CEACAM3: variants seen among roughly 807,000 people sequenced by gnomAD.
CEACAM3 encodes cell adhesion molecule CEACAM3.
CEACAM3 carries 32 observed loss-of-function variants against 30.1 expected under a neutral mutation model. The observed-to-expected ratio is 1.06, with a 90% confidence interval of 0.80 to 1.43. The LOEUF is 1.43. Among genes scored for constraint, CEACAM3 ranks in the 40% most tolerant of loss-of-function variants. The pLI, the probability that CEACAM3 is intolerant of heterozygous loss-of-function variation, is 0.00. For synonymous variants in CEACAM3, 134 were observed against 127.2 expected (o/e 1.05, Z -0.36); for missense variants, 290 against 316.3 (o/e 0.92, Z 0.63).
intron 2 of CEACAM3, among the ~76,000 whole-genome samples, chr19:41,808,412 G>C (rs535693086): frequency 6.6e-6 from 1 of 152,216 alleles, no homozygotes; most frequent in Non-Finnish European, 1.5e-5. Context: ...ACTGGCACAT[G>C]GAAGGCCCCT....
intron 3 of CEACAM3, 159 bp from the exon 4 acceptor site, chr19:41,809,806 A>G: frequency 1.4e-6 from 1 of 705,274 alleles, no homozygotes; most frequent in Non-Finnish European, 2.6e-6. Flanking sequence ...GCCTTTCCTC[A>G]ACTCCCCTCT....
chr19:41,801,249 G>A (rs548295962), intron 2 of CEACAM3, among the ~76,000 whole-genome samples: 170 of 152,224 alleles, frequency 1.1e-3, no homozygotes, highest in African/African-American at 4.0e-3. Flanking sequence ...GCCCACCTCC[G>A]GGGCAATAAA....
At chr19:41,805,481 G>A (rs567893156) in intron 2 of CEACAM3, among the ~76,000 whole-genome samples, 6 of 151,708 alleles carry the variant, frequency 4.0e-5, no homozygotes, top group Admixed American at 2.0e-4. Context: ...TAGAGACGGG[G>A]TTTCACCATG....
chr19:41,796,619 A>G lies in CEACAM3; in HGVS notation c.-59A>G. 6.3e-7 allele frequency: 1 copy of G among 1,591,628 alleles called. No homozygotes were observed. The highest frequency in any genetic ancestry group is 1.1e-5 in the South Asian group (1 of 90,598). On this transcript the variant is annotated 5_prime_UTR_variant, in exon 1 of 7. Coordinates refer to ENST00000357396, the MANE Select transcript of CEACAM3 (RefSeq NM_001815.5). ...CCTAAGTCACAGTAGCCCTGACTAC[A>G]GCATTCCTGGAGCCCAGGCTCTTTT...
chr19:41,798,221 G>A (rs1418412285), intron 2 of CEACAM3, among the ~76,000 whole-genome samples: 1 of 152,150 alleles, frequency 6.6e-6, no homozygotes, highest in African/African-American at 2.4e-5. Context: ...AGAACCCCAT[G>A]GTCTCCCCAT....
intron 2 of CEACAM3, among the ~76,000 whole-genome samples, chr19:41,806,005 TTTG>T (rs1174523555): frequency 0.014 from 618 of 43,438 alleles, 4 homozygotes; most frequent in South Asian, 0.09. Flanking sequence ...GTTGTTGTTG[TTTG>T]TTGTTGTTGT....
chr19:41,809,912 A>G, intron 3 of CEACAM3, 53 bp from the exon 4 acceptor site: 2 of 1,594,158 alleles, frequency 1.3e-6, no homozygotes, highest in Middle Eastern at 1.7e-4. Flanking sequence ...TTCGAACTCC[A>G]AAGTTGTGGC....
In CEACAM3 at chr19:41,796,685, C is replaced by A. The variant is rs781871309; in HGVS notation, c.8C>A (p.Pro3His). Residue 3 changes from proline to histidine, a missense_variant, in exon 1 of 7, where the codon CCC (proline) becomes CAC (histidine). Coordinates refer to ENST00000357396, the MANE Select transcript of CEACAM3 (RefSeq NM_001815.5). Reference protein sequence around the residue: MGPPSASPHRECI... With the variant: MGHPSASPHRECI... ...GAGCAGGCAGCAGAGACCATGGGGC[C>A]CCCCTCAGCCTCTCCCCACAGAGAA... 7.4e-6 allele frequency: 12 copies of A among 1,613,994 alleles called. No individual in the cohort carries two copies. The highest frequency in any genetic ancestry group is 1.6e-4 in the Middle Eastern group (1 of 6,084).
chr19:41,811,023 C>A (rs2073245911), intron 6 of CEACAM3, 126 bp downstream of exon 6: 4 of 1,258,594 alleles, frequency 3.2e-6, no homozygotes, highest in South Asian at 1.3e-5. Context: ...GGGTGGCGAG[C>A]AGAGGAGGGA....
intron 2 of CEACAM3, among the ~76,000 whole-genome samples, chr19:41,808,016 A>G (rs1331098555): frequency 6.6e-6 from 1 of 152,224 alleles, no homozygotes; most frequent in African/African-American, 2.4e-5. Context: ...CAGTCAAGAC[A>G]ATCACAGTCT....
At chr19:41,805,993 C>CTGT (rs1555826674) in intron 2 of CEACAM3, among the ~76,000 whole-genome samples, 8 of 143,910 alleles carry the variant, frequency 5.6e-5, no homozygotes, top group African/African-American at 1.6e-4. Context: ...TCTACTCTTC[C>CTGT]TGTTGTTGTT....
intron 2 of CEACAM3, 54 bp downstream of exon 2, chr19:41,798,002 T>A: frequency 6.4e-7 from 1 of 1,558,766 alleles, no homozygotes; most frequent in Non-Finnish European, 8.7e-7. Flanking sequence ...ACTTCCCACA[T>A]ATGGGATTGT....
intron 2 of CEACAM3, among the ~76,000 whole-genome samples, chr19:41,803,858 T>G (rs1396750843): frequency 6.6e-6 from 1 of 152,020 alleles, no homozygotes; most frequent in Non-Finnish European, 1.5e-5. Context: ...GGCGGGTGGA[T>G]CACCTGAGGT....
intron 2 of CEACAM3, chr19:41,807,419 T>C (rs1222049561): frequency 9.5e-7 from 1 of 1,057,562 alleles, no homozygotes; most frequent in Non-Finnish European, 1.2e-6. Flanking sequence ...GGCCCAGGCT[T>C]CCAGCCCAAA....
chr19:41,810,103 C>A lies in CEACAM3; in HGVS notation c.595+86C>A. 5 of 1,415,762 alleles carry A rather than the reference C, an allele frequency of 3.5e-6. No homozygotes were observed. In the South Asian group the frequency reaches 5.9e-5, roughly 17 times the overall value. 87.7% of individuals were successfully genotyped at this position (1,415,762 alleles called of 1,614,324 possible). On this transcript the variant is annotated intron_variant, in intron 4 of 6. Transcript: ENST00000357396. ...CTCCTGCCAGTCACTGCCAGGCAGA[C>A]TCTGATCCTTTCCCGGGGGCTGCAA...
At chr19:41,806,976 C>T (rs1031372415) in intron 2 of CEACAM3, 178 of 1,487,476 alleles carry the variant, frequency 1.2e-4, no homozygotes, top group Middle Eastern at 2.4e-4. Flanking sequence ...CGTGAGCCAC[C>T]GCACCCGGCC....
chr19:41,803,409 C>A (rs2073167432), intron 2 of CEACAM3, among the ~76,000 whole-genome samples: 1 of 149,158 alleles, frequency 6.7e-6, no homozygotes, highest in Non-Finnish European at 1.5e-5. Context: ...AACTGAACAG[C>A]AAAGTTTTGT....
Position 41,810,309 on chromosome 19 carries a change from G to A in CEACAM3, c.596-14G>A. 2 of 1,603,134 alleles carry A rather than the reference G, an allele frequency of 1.2e-6. No individual in the cohort carries two copies. Among genetic ancestry groups the A allele is most frequent in the Admixed American group, 1.7e-5 (1 of 57,814 alleles). On this transcript the variant is annotated splice_polypyrimidine_tract_variant and intron_variant, in intron 4 of 6. Transcript: ENST00000357396. ...TCCTCCCACCCTGCTGCTCACTCCT[G>A]TCTCTGTTTCCAGGCCGTGGTCCCT...
chr19:41,809,434 G>A, intron 3 of CEACAM3: 1 of 162,812 alleles, frequency 6.1e-6, no homozygotes, highest in Non-Finnish European at 1.3e-5. Context: ...TGAGATGGGA[G>A]AACCTGGGCC....
Sources: gnomAD v4.1 joint callset for allele counts (sites outside exome capture counted in the v4.1 genomes callset) on GRCh38, gnomAD v4.1.1 for gene constraint, MANE v1.5 for transcripts, NCBI Gene and HGNC (gene_info 2026-07-23, HGNC 2026-07-21) for gene names.